The following DOCK9 variants were observed in gnomAD, a reference collection of about 807,000 sequenced individuals.
DOCK9 encodes the protein dedicator of cytokinesis 9, also known as dedicator of cytokinesis protein 9.
In DOCK9, 89 loss-of-function variants were observed where a neutral mutation model predicts 263.3. The observed-to-expected ratio is 0.34, with a 90% CI of 0.28 to 0.40. The LOEUF (loss-of-function observed/expected upper bound fraction) is 0.40, where lower values mean the gene tolerates loss of function less well. Among genes scored for constraint, DOCK9 ranks in the 10% least tolerant of loss-of-function variants. The pLI is 1.00. For missense variants in DOCK9, 2,140 were observed against 2,603.4 expected (o/e 0.82, Z 3.87); for synonymous variants, 976 against 973.1 (o/e 1.00, Z -0.06).
intron 27 of DOCK9, among the ~76,000 whole-genome samples, chr13:98,878,084 C>G (rs73556956): frequency 0.019 from 2,844 of 152,250 alleles, 94 homozygotes; most frequent in African/African-American, 0.065. Context: ...TCCAGTATGA[C>G]TGGTGTCCTC....
chr13:99,082,568 A>C (rs9513545), intron 1 of DOCK9, among the ~76,000 whole-genome samples: 2 of 33,534 alleles, frequency 6.0e-5, no homozygotes, highest in Admixed American at 3.8e-4. Context: ...AATAAATAAA[A>C]AAAAACAGCT....
intron 49 of DOCK9, among the ~76,000 whole-genome samples, chr13:98,802,668 G>C (rs2090254602): frequency 6.6e-6 from 1 of 152,276 alleles, no homozygotes; most frequent in South Asian, 2.1e-4. Flanking sequence ...GTGATCATGA[G>C]GTTTTTCAAA....
chr13:99,080,984 C>CT (rs1566403130), intron 1 of DOCK9, among the ~76,000 whole-genome samples: 1 of 152,206 alleles, frequency 6.6e-6, no homozygotes, highest in Non-Finnish European at 1.5e-5. Context: ...CAAGGCCTCA[C>CT]TAATGTCCTC....
chr13:99,056,986 C>A (rs550261855), intron 1 of DOCK9, among the ~76,000 whole-genome samples: 1 of 152,322 alleles, frequency 6.6e-6, no homozygotes, highest in East Asian at 1.9e-4. Flanking sequence ...AGAGAAGGAC[C>A]AGTTTCTTGC....
intron 20 of DOCK9, 60 bp downstream of exon 20, chr13:98,885,648 C>T: frequency 6.6e-7 from 1 of 1,508,626 alleles, no homozygotes; most frequent in South Asian, 1.3e-5. Flanking sequence ...AATCTTAATA[C>T]AATTTAAGAA....
At chr13:98,877,318 T>C (rs1262420478) in intron 27 of DOCK9, among the ~76,000 whole-genome samples, 2 of 152,242 alleles carry the variant, frequency 1.3e-5, no homozygotes, top group South Asian at 2.1e-4. Flanking sequence ...TAATTTGGCA[T>C]CTTGAGAACA....
chr13:98,943,291 T>C (rs1210690934), intron 2 of DOCK9, among the ~76,000 whole-genome samples: 1 of 152,230 alleles, frequency 6.6e-6, no homozygotes, highest in African/African-American at 2.4e-5. Flanking sequence ...GAATCTGTCC[T>C]CTTTGGATCT....
At chr13:98,960,700 G>A (rs2058535037) in intron 1 of DOCK9, among the ~76,000 whole-genome samples, 1 of 152,204 alleles carries the variant, frequency 6.6e-6, no homozygotes, top group Non-Finnish European at 1.5e-5. Flanking sequence ...CCTGGGAACT[G>A]GTTACAAACG....
At chr13:98,917,818 G>A (rs2051150246) in intron 7 of DOCK9, among the ~76,000 whole-genome samples, 1 of 152,018 alleles carries the variant, frequency 6.6e-6, no homozygotes, top group Non-Finnish European at 1.5e-5. Context: ...TGTATTTCTT[G>A]CTTTTTGAGA....
chr13:99,087,628 GTC>G (rs960380828), upstream of DOCK9, among the ~76,000 whole-genome samples: 1 of 151,326 alleles, frequency 6.6e-6, no homozygotes, highest in African/African-American at 2.5e-5. Flanking sequence ...CTCCGTTTCT[GTC>G]TCTCTGAGGA....
Position 98,888,669 on chromosome 13 carries a change from T to C in DOCK9, c.1752A>G (p.Leu584=), listed in dbSNP as rs376338994. ...AGGAAACATTATCAATTGTAATGTCTAGATTGCCTAAAATCACTGGGAGCT... is the reference window on the plus strand; with the variant it reads ...AGGAAACATTATCAATTGTAATGTCCAGATTGCCTAAAATCACTGGGAGCT... ...MAKLPVILGN[L]DITIDNVSSD... Residue 584 remains leucine (L), a synonymous_variant, in exon 16 of 53, where the codon CTA becomes CTG. Coordinates refer to ENST00000682017, the MANE Select transcript of DOCK9 (RefSeq NM_001366683.2). The C allele has an allele frequency of 4.8e-5, 78 of 1,613,824 alleles. No individual in the cohort carries two copies. In the East Asian group the frequency reaches 1.4e-3, roughly 29 times the overall value.
intron 1 of DOCK9, among the ~76,000 whole-genome samples, chr13:99,000,821 TACAATCAGATAAGAACGTA>T (rs1353060600): frequency 6.6e-6 from 1 of 152,208 alleles, no homozygotes; most frequent in Non-Finnish European, 1.5e-5. Context: ...TGTGATTTTT[TACAATCAGATAAGAACGTA>T]ACATCTAGCT....
intron 1 of DOCK9, among the ~76,000 whole-genome samples, chr13:99,007,045 T>C (rs983640507): frequency 2.6e-5 from 4 of 152,012 alleles, no homozygotes; most frequent in East Asian, 1.9e-4. Context: ...TGAGCCAAGA[T>C]TGCACCACTG....
intron 1 of DOCK9, among the ~76,000 whole-genome samples, chr13:98,995,613 C>A (rs1315253263): frequency 2.0e-5 from 3 of 151,692 alleles, no homozygotes; most frequent in East Asian, 3.9e-4. Flanking sequence ...CTCAGCCTCC[C>A]GAGTAGCTGG....
At chr13:99,015,687 G>T (rs1885297161) in intron 1 of DOCK9, 6 of 1,483,414 alleles carry the variant, frequency 4.0e-6, no homozygotes, top group Non-Finnish European at 5.4e-6. Flanking sequence ...TCCGAAACAG[G>T]CTCCCACTGT....
At chr13:98,918,430 T>G (rs933994472) in intron 7 of DOCK9, among the ~76,000 whole-genome samples, 2 of 152,218 alleles carry the variant, frequency 1.3e-5, no homozygotes, top group African/African-American at 4.8e-5. Context: ...ATTTTCTATT[T>G]ATATGTTATA....
intron 49 of DOCK9, among the ~76,000 whole-genome samples, 198 bp downstream of exon 49, chr13:98,804,801 A>T (rs1268752583): frequency 6.6e-6 from 1 of 152,226 alleles, no homozygotes; most frequent in Non-Finnish European, 1.5e-5. Context: ...TTGTGGAAGA[A>T]GGAAGTGTCA....
chr13:99,080,414 G>T (rs993803730), intron 1 of DOCK9, among the ~76,000 whole-genome samples: 88 of 152,078 alleles, frequency 5.8e-4, no homozygotes, highest in African/African-American at 2.0e-3. Context: ...TGGCTGGTTT[G>T]AACTTCTTTC....
rs751083122 is a variant in DOCK9 at position 98,880,659 on chromosome 13, G to A, written c.2759C>T (p.Ala920Val). The change falls in exon 26 of 53, where the codon GCT (alanine) becomes GTT (valine). Residue 920 changes from alanine (A) to valine (V), a missense_variant. By Grantham distance (64) the Ala-to-Val change is moderately conservative. Transcript: ENST00000682017. Reference protein sequence around the residue: ...LRSYVKYAYKAEPYVASEYKT... With the variant: ...LRSYVKYAYKVEPYVASEYKT... ...GTATTCAGAGGCAACATATGGCTCAGCCTTATACGCGTACTTTGAAGAAAA... is the reference window on the plus strand; with the variant it reads ...GTATTCAGAGGCAACATATGGCTCAACCTTATACGCGTACTTTGAAGAAAA... 2.6e-5 allele frequency: 42 copies of A among 1,613,556 alleles called. No homozygotes were observed. The highest frequency in any genetic ancestry group is 3.2e-5 in the Non-Finnish European group (38 of 1,179,792).
Sources: gnomAD v4.1 joint callset for allele counts (sites outside exome capture counted in the v4.1 genomes callset) on GRCh38, gnomAD v4.1.1 for gene constraint, MANE v1.5 for transcripts, NCBI Gene and HGNC (gene_info 2026-07-23, HGNC 2026-07-21) for gene names.